Variants in USH2A observed in about 807,000 individuals in gnomAD.
The protein encoded by USH2A is Usher syndrome 2A (autosomal recessive, mild).
A neutral mutation model predicts 538.9 loss-of-function variants in USH2A; 443 were observed. The observed-to-expected ratio is 0.82, with a 90% CI of 0.76 to 0.89. The LOEUF (loss-of-function observed/expected upper bound fraction) is 0.89, where lower values mean the gene tolerates loss of function less well. USH2A is among the 40% of genes least tolerant of loss of function. The pLI is 0.00. For synonymous variants in USH2A, 2,413 were observed against 2,273.5 expected (o/e 1.06, Z -1.75); for missense variants, 6,633 against 6,324.8 (o/e 1.05, Z -1.65).
intron 9 of USH2A, among the ~76,000 whole-genome samples, chr1:216,310,192 C>T (rs889209271): frequency 3.3e-5 from 5 of 151,986 alleles, no homozygotes; most frequent in African/African-American, 1.2e-4. Flanking sequence ...ATTCATTGCC[C>T]TTGTTCTTTG....
chr1:215,790,267 C>T lies in USH2A; in HGVS notation c.9974G>A (p.Gly3325Glu), dbSNP rs1378786390. 10 of 1,613,648 alleles carry T rather than the reference C, an allele frequency of 6.2e-6. No individual in the cohort carries two copies. The highest frequency in any genetic ancestry group is 8.5e-6 in the Non-Finnish European group (10 of 1,179,946). The stretch of plus-strand genomic sequence containing the variant: ...ATCTGACATATTCACATAATCCTGC[C>T]CACAACAGAACATACCTGCAACAAT... ...YNRLPGMFCC[G>E]QDYVNMSDTI... Residue 3325 changes from glycine (G) to glutamate (E), a missense_variant, in exon 51 of 72, where the codon GGG becomes GAG. Gly to Glu is a moderately conservative substitution (Grantham distance 98, BLOSUM62 -2). Coordinates refer to ENST00000307340, the MANE Select transcript of USH2A (RefSeq NM_206933.4).
chr1:216,232,100 A>G lies in USH2A; in HGVS notation c.2846T>C (p.Leu949Pro). 2 of 1,613,858 alleles carry G rather than the reference A, an allele frequency of 1.2e-6. No homozygotes were observed. Among genetic ancestry groups the G allele is most frequent in the Non-Finnish European group, 1.7e-6 (2 of 1,179,838 alleles). ...YISPGNATGC[L>P]PCSCHTTGAV... ...ACCAGTTGTATGGCATGAGCATGGC[A>G]GGCAGCCAGTGGCATTGCCTGGAGA... is the stretch of plus-strand genomic sequence containing the variant. Residue 949 changes from leucine to proline, a missense_variant, in exon 14 of 72, where the codon CTG becomes CCG. Transcript: ENST00000307340.
chr1:216,277,661 A>C (rs1396747565), intron 11 of USH2A, among the ~76,000 whole-genome samples: 1 of 152,100 alleles, frequency 6.6e-6, no homozygotes, highest in Non-Finnish European at 1.5e-5. Flanking sequence ...TAGTACACAA[A>C]TGTAGCTGCA....
chr1:216,400,385 A>G (rs2039285725), intron 3 of USH2A, among the ~76,000 whole-genome samples: 1 of 151,302 alleles, frequency 6.6e-6, no homozygotes, highest in African/African-American at 2.4e-5. Context: ...TGAACAAATA[A>G]GAAAAGAGAG....
intron 70 of USH2A, chr1:215,630,086 A>G: frequency 7.8e-6 from 4 of 514,896 alleles, no homozygotes; most frequent in Non-Finnish European, 1.5e-5. Flanking sequence ...CAGCTTTCCA[A>G]GGAATGGATA....
chr1:216,019,559 G>C (rs1335094481), intron 32 of USH2A, among the ~76,000 whole-genome samples: 1 of 152,118 alleles, frequency 6.6e-6, no homozygotes, highest in Non-Finnish European at 1.5e-5. Flanking sequence ...TATAAAACGA[G>C]AAATCTGTGT....
intron 21 of USH2A, chr1:216,174,956 A>C (rs1558298167): frequency 3.3e-6 from 4 of 1,216,656 alleles, no homozygotes. Flanking sequence ...TATTTCAAGA[A>C]ACATGTCCTG....
intron 6 of USH2A, 97 bp from the exon 7 acceptor site, chr1:216,324,449 A>C (rs1481369745): frequency 3.5e-6 from 4 of 1,157,162 alleles, no homozygotes; most frequent in Non-Finnish European, 4.9e-6. Context: ...ATATTGGCTC[A>C]CTTCATCATA....
chr1:216,189,917 T>C (rs2034681573), intron 20 of USH2A, among the ~76,000 whole-genome samples: 1 of 152,022 alleles, frequency 6.6e-6, no homozygotes, highest in Non-Finnish European at 1.5e-5. Flanking sequence ...TTTCTATGTA[T>C]TTCTAGTTCT....
At chr1:216,323,273 G>GTT (rs1296172514) in intron 8 of USH2A, among the ~76,000 whole-genome samples, 40 of 102,208 alleles carry the variant, frequency 3.9e-4, no homozygotes, top group African/African-American at 7.7e-4. Flanking sequence ...TATAAAATAC[G>GTT]TTTTATATAT....
rs367804090 is a variant in USH2A at position 215,706,786 on chromosome 1, T to C, written c.12066+21244A>G. On this transcript the variant is annotated intron_variant, in intron 61 of 71. Transcript: ENST00000307340. The stretch of plus-strand genomic sequence containing the variant: ...TAGTGCAAAGCAAATTATGTCAGGT[T>C]CAGCATTGAAAGCTTTGTTATGGAA... Among the ~76,000 whole-genome samples the C allele has an allele frequency of 5.9e-5, 9 of 152,368 alleles. No homozygotes were observed. The East Asian group carries it at 1.5e-3, about 26-fold the overall frequency.
chr1:216,364,919 T>A, intron 4 of USH2A, 34 bp downstream of exon 4: 1 of 1,612,240 alleles, frequency 6.2e-7, no homozygotes, highest in Non-Finnish European at 8.5e-7. Flanking sequence ...TGTAATTGGA[T>A]GAAATAAATA....
intron 58 of USH2A, among the ~76,000 whole-genome samples, chr1:215,749,919 G>C (rs1004684243): frequency 6.6e-6 from 1 of 152,032 alleles, no homozygotes; most frequent in African/African-American, 2.4e-5. Flanking sequence ...TAACATTTAT[G>C]AAGTTAAGAT....
chr1:216,333,458 A>G (rs1250987600), intron 4 of USH2A, among the ~76,000 whole-genome samples: 1 of 152,082 alleles, frequency 6.6e-6, no homozygotes, highest in Non-Finnish European at 1.5e-5. Context: ...ACAAAGCCCC[A>G]GAAAGCTGTG....
At chr1:216,088,357 C>T (rs1287094435) in intron 23 of USH2A, among the ~76,000 whole-genome samples, 2 of 152,114 alleles carry the variant, frequency 1.3e-5, no homozygotes, top group Non-Finnish European at 2.9e-5. Context: ...TTTGCTGCCC[C>T]ATTCCTCCCA....
At chr1:216,418,783 C>T (rs1481361362) in intron 2 of USH2A, 104 bp from the exon 3 acceptor site, 2 of 1,256,740 alleles carry the variant, frequency 1.6e-6, no homozygotes, top group East Asian at 4.7e-5. Flanking sequence ...TCAAACTTTG[C>T]TCAAAATGGT....
chr1:215,864,756 G>A (rs1664427143), intron 44 of USH2A, among the ~76,000 whole-genome samples: 1 of 152,148 alleles, frequency 6.6e-6, no homozygotes, highest in South Asian at 2.1e-4. Flanking sequence ...AAAATGAACT[G>A]AAGTAACACA....
chr1:216,297,245 T>A (rs1289454829), intron 9 of USH2A, among the ~76,000 whole-genome samples: 2 of 152,166 alleles, frequency 1.3e-5, no homozygotes, highest in East Asian at 3.9e-4. Context: ...AAAGTGCTTG[T>A]CACACAGTTG....
chr1:215,903,032 G>A (rs1245468246), intron 38 of USH2A, among the ~76,000 whole-genome samples: 3 of 152,092 alleles, frequency 2.0e-5, no homozygotes, highest in Non-Finnish European at 4.4e-5. Flanking sequence ...CCAAAATGTT[G>A]AGGTCAGGAG....
Sources: allele counts gnomAD v4.1 joint callset (sites outside exome capture counted in the v4.1 genomes callset), GRCh38; gene constraint gnomAD v4.1.1; transcripts MANE v1.5; gene names NCBI Gene and HGNC (gene_info 2026-07-23, HGNC 2026-07-21).